The following F12 variants were observed in gnomAD, a reference collection of about 807,000 sequenced individuals.
F12 encodes the protein coagulation factor XII.
In F12, 70 loss-of-function variants were observed where a neutral mutation model predicts 74.8. The ratio of observed to expected loss-of-function variants is 0.94; its 90% CI spans 0.77 to 1.14. The LOEUF (loss-of-function observed/expected upper bound fraction) is 1.14, where lower values mean the gene tolerates loss of function less well. F12 is among the 50% of genes most tolerant of loss of function. F12 has a pLI of 0.00. For synonymous variants in F12, 373 were observed against 356.4 expected, an observed-to-expected ratio of 1.05 and a Z score of -0.52; for missense variants, 811 against 835.7, an observed-to-expected ratio of 0.97 and a Z score of 0.36.
rs1298064372 is a variant in F12 at position 177,405,121 on chromosome 5, C to T, written c.462G>A (p.Glu154=). Residue 154 remains glutamate (E), a synonymous_variant, in exon 6 of 14, where the codon GAG becomes GAA. Coordinates refer to ENST00000253496, the MANE Select transcript of F12 (RefSeq NM_000505.4). ...FHKNEIWYRT[E]QAAVARCQCK... Reference sequence around the variant, plus strand: ...ACTGGCATCTGGCCACAGCTGCTTGCTCAGTTCTATACCATATCTCATTCT... The same window carrying T: ...ACTGGCATCTGGCCACAGCTGCTTGTTCAGTTCTATACCATATCTCATTCT... 1 of 1,613,758 alleles carries T rather than the reference C, an allele frequency of 6.2e-7. No homozygotes were observed. Among genetic ancestry groups the T allele is most frequent in the African/African-American group, 1.3e-5 (1 of 74,938 alleles).
chr5:177,403,130 C>T, intron 12 of F12, 124 bp downstream of exon 12: 1 of 1,277,734 alleles, frequency 7.8e-7, no homozygotes, highest in Non-Finnish European at 1.1e-6. Context: ...TTCTCACAAC[C>T]CATCAGGTCA....
rs1483262492 is a variant in F12 at position 177,403,525 on chromosome 5, C to A, written c.1343G>T (p.Arg448Leu). Residue 448 changes from arginine (R) to leucine (L), a missense_variant, in exon 11 of 14, where the codon CGC (arginine) becomes CTC (leucine). Arg to Leu is a moderately radical substitution (Grantham distance 102). Coordinates refer to ENST00000253496, the MANE Select transcript of F12 (RefSeq NM_000505.4). ...PCQTLAVRSY[R>L]LHEAFSPVSY... is the part of the protein sequence containing the mutation. ...GACGGGCGAGAAGGCCTCGTGCAAG[C>A]GGTAGGAGCGCACGGCCAACGTCTG... is the stretch of plus-strand genomic sequence containing the variant. 6.3e-7 allele frequency: 1 copy of A among 1,586,612 alleles called. No individual in the cohort carries two copies. The highest frequency in any genetic ancestry group is 8.5e-7 in the Non-Finnish European group (1 of 1,170,030).
intron 12 of F12, 139 bp downstream of exon 12, chr5:177,403,115 A>T: frequency 1.8e-6 from 2 of 1,095,768 alleles, no homozygotes; most frequent in Non-Finnish European, 2.7e-6. Flanking sequence ...GGATTCACCT[A>T]CACATTCTCA....
intron 12 of F12, 187 bp downstream of exon 12, chr5:177,403,067 A>T (rs1258535440): frequency 1.0e-5 from 8 of 778,432 alleles, no homozygotes; most frequent in Non-Finnish European, 1.6e-5. Context: ...AGATTTGGGG[A>T]TCCCAGCAGT....
chr5:177,405,102 A>C lies in F12; in HGVS notation c.481T>G (p.Cys161Gly). 6.2e-7 allele frequency: 1 copy of C among 1,613,700 alleles called. No individual in the cohort carries two copies. Among genetic ancestry groups the C allele is most frequent in the Non-Finnish European group, 8.5e-7 (1 of 1,180,034 alleles). The change falls in exon 6 of 14, where the codon TGC (cysteine) becomes GGC (glycine). Residue 161 changes from cysteine to glycine, a missense_variant. By Grantham distance (159) the Cys-to-Gly change is radical (BLOSUM62 -3). Transcript: ENST00000253496. ...YRTEQAAVAR[C>G]QCKGPDAHCQ... ...TGGGCATCAGGACCCTTGCACTGGC[A>C]TCTGGCCACAGCTGCTTGCTCAGTT...
Position 177,402,413 on chromosome 5 carries a change from C to T in F12, c.1727G>A (p.Arg576His), listed in dbSNP as rs983066610. Reference protein sequence around the residue: ...PLVCEDQAAERRLTLQGIISW... With the variant: ...PLVCEDQAAEHRLTLQGIISW... Reference sequence around the variant, plus strand: ...GATGATGCCTTGCAGGGTGAGCCGGCGCTCTGCAGCTTGGTCCTCACACAC... The same window carrying T: ...GATGATGCCTTGCAGGGTGAGCCGGTGCTCTGCAGCTTGGTCCTCACACAC... The change falls in exon 14 of 14, where the codon CGC becomes CAC. Residue 576 changes from arginine (R) to histidine (H), a missense_variant. Coordinates refer to ENST00000253496, the MANE Select transcript of F12 (RefSeq NM_000505.4). The T allele has an allele frequency of 6.2e-7, 1 of 1,612,346 alleles. No homozygotes were observed. The highest frequency in any genetic ancestry group is 1.3e-5 in the African/African-American group (1 of 74,890).
At chr5:177,406,291 A>G (rs1476066904) in intron 2 of F12, among the ~76,000 whole-genome samples, 1 of 152,146 alleles carries the variant, frequency 6.6e-6, no homozygotes, top group Non-Finnish European at 1.5e-5. Context: ...GATCAAGACC[A>G]TCCTGGCTAA....
Position 177,402,549 on chromosome 5 carries a change from C to G in F12, c.1680+1G>C. ...GGGCGCCAACCGGGCTAAGAGCTCA[C>G]CTGGCACGCATCGGTGCCGCCCTCG... On this transcript the variant is annotated splice_donor_variant, in intron 13 of 13. Transcript: ENST00000253496. LOFTEE classifies it high-confidence loss of function. 6.2e-7 allele frequency: 1 copy of G among 1,610,780 alleles called. No individual in the cohort carries two copies. The highest frequency in any genetic ancestry group is 8.5e-7 in the Non-Finnish European group (1 of 1,178,948).
At position 177,404,268 on chromosome 5, in the gene F12, T is replaced by A; in HGVS notation, c.946A>T (p.Met316Leu). The A allele has an allele frequency of 6.3e-7, 1 of 1,596,640 alleles. No homozygotes were observed. The highest frequency in any genetic ancestry group is 8.5e-7 in the Non-Finnish European group (1 of 1,170,536). The change falls in exon 9 of 14, where the codon ATG becomes TTG. Residue 316 changes from methionine to leucine, a missense_variant. Met to Leu is a conservative substitution (Grantham distance 15, BLOSUM62 2). Coordinates refer to ENST00000253496, the MANE Select transcript of F12 (RefSeq NM_000505.4). ...TTCGGCGGTGCCGGCTGCGCGGGCATGAGTGGGACATGAAGCCTAGGGGAC... is the reference window on the plus strand; with the variant it reads ...TTCGGCGGTGCCGGCTGCGCGGGCAAGAGTGGGACATGAAGCCTAGGGGAC... ...PVSPRLHVPL[M>L]PAQPAPPKPQ...
intron 9 of F12, 48 bp downstream of exon 9, chr5:177,404,148 C>T (rs761247902): frequency 8.2e-6 from 13 of 1,581,442 alleles, no homozygotes; most frequent in South Asian, 2.3e-5. Flanking sequence ...CGGAATCTAG[C>T]TCGCCCGGCG....
intron 10 of F12, 117 bp from the exon 11 acceptor site, chr5:177,403,734 A>C: frequency 6.7e-7 from 1 of 1,492,504 alleles, no homozygotes; most frequent in Non-Finnish European, 9.0e-7. Context: ...GGAGCTCCGG[A>C]GGGGCGTGGA....
chr5:177,405,904 G>A (rs1257111382), intron 3 of F12, 58 bp downstream of exon 3: 1 of 1,601,230 alleles, frequency 6.2e-7, no homozygotes. Flanking sequence ...TTGGACAGAA[G>A]GACAGGCAGG....
Position 177,402,567 on chromosome 5 carries a change from C to G in F12, c.1663G>C (p.Gly555Arg), listed in dbSNP as rs140370179. The stretch of plus-strand genomic sequence containing the variant: ...GAGCTCACCTGGCACGCATCGGTGC[C>G]GCCCTCGAGGAACCCTGCGCAGAGC... ...GMLCAGFLEG[G>R]TDACQGDSGG... The change falls in exon 13 of 14, where the codon GGC becomes CGC. Residue 555 changes from glycine to arginine, a missense_variant. Transcript: ENST00000253496. The G allele has an allele frequency of 3.1e-6, 5 of 1,612,060 alleles. No individual in the cohort carries two copies. The highest frequency in any genetic ancestry group is 1.6e-4 in the Middle Eastern group (1 of 6,070).
Position 177,405,440 on chromosome 5 carries a change from G to C in F12, c.287-7C>G. The C allele has an allele frequency of 1.2e-6, 2 of 1,611,400 alleles. No homozygotes were observed. Among genetic ancestry groups the C allele is most frequent in the East Asian group, 2.2e-5 (1 of 44,860 alleles). On this transcript the variant is annotated splice_polypyrimidine_tract_variant and splice_region_variant and intron_variant, in intron 4 of 13. Coordinates refer to ENST00000253496, the MANE Select transcript of F12 (RefSeq NM_000505.4). Reference sequence around the variant, plus strand: ...CTGTGTTTGCTGCAGTGGTCTGAGAGATGGACATGGTGGAAGGAAGAGCAG... The same window carrying C: ...CTGTGTTTGCTGCAGTGGTCTGAGACATGGACATGGTGGAAGGAAGAGCAG...
At chr5:177,403,802 G>C in intron 10 of F12, 57 bp downstream of exon 10, 2 of 1,464,960 alleles carry the variant, frequency 1.4e-6, no homozygotes, top group African/African-American at 2.8e-5. Flanking sequence ...TGGAAGCTGC[G>C]CTGGGAGACG....
At chr5:177,408,202 C>T (rs1763333754) in intron 2 of F12, among the ~76,000 whole-genome samples, 1 of 152,138 alleles carries the variant, frequency 6.6e-6, no homozygotes, top group Admixed American at 6.5e-5. Flanking sequence ...ACTACTGGCG[C>T]ATGCCACCAT....
rs1763228618 is a variant in F12, at chr5:177,404,336, G to A, written c.878C>T (p.Ala293Val). The A allele has an allele frequency of 6.2e-7, 1 of 1,610,784 alleles. No homozygotes were observed. The highest frequency in any genetic ancestry group is 1.3e-5 in the African/African-American group (1 of 74,880). ...CGCCTGGGTTGGGGTCTGGCACTGT[G>A]CCAGGTCGCAGTACTCCCAGCTCAG... is the stretch of plus-strand genomic sequence containing the variant. ...DRLSWEYCDL[A>V]QCQTPTQAAP... The change falls in exon 9 of 14, where the codon GCA (alanine) becomes GTA (valine). Residue 293 changes from alanine (A) to valine (V), a missense_variant. Ala to Val is a moderately conservative substitution (Grantham distance 64). Coordinates refer to ENST00000253496, the MANE Select transcript of F12 (RefSeq NM_000505.4).
In F12 at chr5:177,409,470, C is replaced by A; in HGVS notation, c.57+1G>T. 6.2e-7 allele frequency: 1 copy of A among 1,614,076 alleles called. No individual in the cohort carries two copies. Among genetic ancestry groups the A allele is most frequent in the Non-Finnish European group, 8.5e-7 (1 of 1,180,010 alleles). On this transcript the variant is annotated splice_donor_variant, in intron 1 of 13. Coordinates refer to ENST00000253496, the MANE Select transcript of F12 (RefSeq NM_000505.4). LOFTEE classifies it high-confidence loss of function. ...ACAATCCTGGTTCCCACAGCACTCA[C>A]CGAAAGTGTTGACTCCAAGCTCACC...
intron 2 of F12, 71 bp from the exon 3 acceptor site, chr5:177,406,132 G>GTCCTTTTCCTGACCA: frequency 1.4e-6 from 2 of 1,403,736 alleles, no homozygotes. Context: ...CTCAGGGTCT[G>GTCCTTTTCCTGACCA]GTCAGGAAAA....
Sources: gnomAD v4.1 joint callset for allele counts (sites outside exome capture counted in the v4.1 genomes callset) on GRCh38, gnomAD v4.1.1 for gene constraint, MANE v1.5 for transcripts, NCBI Gene and HGNC (gene_info 2026-07-23, HGNC 2026-07-21) for gene names.